The following CCT7 variants were observed in gnomAD, a reference collection of about 807,000 sequenced individuals.
CCT7 encodes chaperonin containing TCP1 subunit 7, also known as T-complex protein 1 subunit eta.
A neutral mutation model predicts 56.6 loss-of-function variants in CCT7; 16 were observed. The observed-to-expected ratio is 0.28, with a 90% CI of 0.19 to 0.43. The LOEUF (loss-of-function observed/expected upper bound fraction) is 0.43. CCT7 is among the 20% of genes least tolerant of loss of function. The pLI is 1.00. For synonymous variants in CCT7, 262 were observed against 254.8 expected, an observed-to-expected ratio of 1.03 and a Z score of -0.27; for missense variants, 519 against 685.6, an observed-to-expected ratio of 0.76 and a Z score of 2.71.
chr2:73,252,323 T>TTATATATATATATATATATATA (rs1687625965), intron 11 of CCT7, among the ~76,000 whole-genome samples: 1 of 108,496 alleles, frequency 9.2e-6, no homozygotes, highest in Non-Finnish European at 1.8e-5. Context: ...ACTCATTGTT[T>TTATATATATATATATATATATA]GATATATATA....
intron 11 of CCT7, 46 bp from the exon 12 acceptor site, chr2:73,252,594 T>C (rs754497326): frequency 6.8e-7 from 1 of 1,469,486 alleles, no homozygotes; most frequent in South Asian, 1.1e-5. Context: ...AAGAGGAAAG[T>C]TGAAAGTAGT....
intron 1 of CCT7, among the ~76,000 whole-genome samples, chr2:73,235,857 C>G (rs1426529111): frequency 6.6e-6 from 1 of 152,200 alleles, no homozygotes; most frequent in Non-Finnish European, 1.5e-5. Context: ...CACATTCACA[C>G]AGCTAGGGAT....
rs1206125248 is a variant in CCT7 at position 73,250,343 on chromosome 2, T to G, written c.1108T>G (p.Cys370Gly). Reference protein sequence around the residue: ...FFTGCPKAKTCTFILRGGAEQ... With the variant: ...FFTGCPKAKTGTFILRGGAEQ... ...TACTGGCTGCCCCAAGGCCAAGACA[T>G]GCACCTTCATTCTCCGTGGCGGCGC... The change falls in exon 10 of 12, where the codon TGC (cysteine) becomes GGC (glycine). Residue 370 changes from cysteine to glycine, a missense_variant. Around this residue, in one of 3 missense-constraint regions of CCT7, gnomAD observed 237 missense variants for 300.8 expected, o/e 0.79. Coordinates refer to ENST00000258091, the MANE Select transcript of CCT7 (RefSeq NM_006429.4). The G allele has an allele frequency of 6.2e-7, 1 of 1,614,114 alleles. No individual in the cohort carries two copies. The highest frequency in any genetic ancestry group is 1.1e-5 in the South Asian group (1 of 91,082).
At chr2:73,235,596 A>G (rs1686844419) in intron 1 of CCT7, 2 of 1,000,008 alleles carry the variant, frequency 2.0e-6, no homozygotes, top group Non-Finnish European at 1.2e-6. Flanking sequence ...CAGAGGCAGC[A>G]TAGTACAGCA....
intron 6 of CCT7, among the ~76,000 whole-genome samples, 200 bp downstream of exon 6, chr2:73,244,915 C>G (rs902301434): frequency 1.3e-5 from 2 of 152,130 alleles, no homozygotes; most frequent in Admixed American, 6.5e-5. Flanking sequence ...TATTATTTGT[C>G]AGCAGAGTAG....
chr2:73,249,204 T>C (rs529279236), intron 8 of CCT7, 25 bp downstream of exon 8: 1 of 1,575,518 alleles, frequency 6.3e-7, no homozygotes. Context: ...ACAGGCTGCT[T>C]CTCGGCCTTT....
chr2:73,250,280 T>G, intron 9 of CCT7, 26 bp from the exon 10 acceptor site: 2 of 1,613,858 alleles, frequency 1.2e-6, no homozygotes, highest in Non-Finnish European at 1.7e-6. Context: ...AGAGTTCATG[T>G]GTGTACTGTT....
intron 9 of CCT7, 107 bp from the exon 10 acceptor site, chr2:73,250,199 G>A: frequency 7.2e-7 from 1 of 1,383,232 alleles, no homozygotes; most frequent in Non-Finnish European, 1.0e-6. Flanking sequence ...CCTGAGTGAA[G>A]AATGTAAGAG....
intron 1 of CCT7, 162 bp from the exon 2 acceptor site, chr2:73,239,481 G>A (rs1387740846): frequency 1.3e-5 from 8 of 632,896 alleles, no homozygotes; most frequent in Non-Finnish European, 1.9e-5. Flanking sequence ...TGGAGGTAGA[G>A]GCTGGTTGGG....
chr2:73,249,716 G>T, intron 8 of CCT7, 103 bp from the exon 9 acceptor site: 1 of 782,736 alleles, frequency 1.3e-6, no homozygotes, highest in Non-Finnish European at 2.3e-6. Flanking sequence ...GTAATGTAGA[G>T]GCTCTGGGGG....
chr2:73,236,661 A>T (rs1430067389), intron 1 of CCT7, among the ~76,000 whole-genome samples: 1 of 152,194 alleles, frequency 6.6e-6, no homozygotes, highest in Non-Finnish European at 1.5e-5. Context: ...TATTAGAGGA[A>T]TAAAAAAAAG....
At position 73,244,719 on chromosome 2, in the gene CCT7, A is replaced by T; in HGVS notation, c.618+4A>T. The T allele has an allele frequency of 6.2e-7, 1 of 1,606,894 alleles. No individual in the cohort carries two copies. ...GGTACAGGGTGGAGCCCTCGAGGTAAGCCTGCTGTGGCCTTCCTAGACAGC... is the reference window on the plus strand; with the variant it reads ...GGTACAGGGTGGAGCCCTCGAGGTATGCCTGCTGTGGCCTTCCTAGACAGC... On this transcript the variant is annotated splice_donor_region_variant and intron_variant, in intron 6 of 11. Coordinates refer to ENST00000258091, the MANE Select transcript of CCT7 (RefSeq NM_006429.4).
intron 6 of CCT7, among the ~76,000 whole-genome samples, chr2:73,245,336 T>C (rs572273391): frequency 4.6e-5 from 7 of 152,218 alleles, no homozygotes; most frequent in Admixed American, 2.0e-4. Context: ...TAGAAATTGA[T>C]CCACATTAGC....
intron 8 of CCT7, 108 bp from the exon 9 acceptor site, chr2:73,249,711 G>C: frequency 1.3e-6 from 1 of 760,934 alleles, no homozygotes. Context: ...GGCGGGTAAT[G>C]TAGAGGCTCT....
chr2:73,236,597 C>T (rs1160722653), intron 1 of CCT7, among the ~76,000 whole-genome samples: 3 of 152,188 alleles, frequency 2.0e-5, no homozygotes, highest in African/African-American at 7.2e-5. Flanking sequence ...CCTTGGACTC[C>T]CAAAGTGCTG....
chr2:73,246,215 C>T (rs1687330104), intron 6 of CCT7, among the ~76,000 whole-genome samples: 1 of 152,220 alleles, frequency 6.6e-6, no homozygotes, highest in Non-Finnish European at 1.5e-5. Context: ...TTAGTACTCA[C>T]CTCTCCTCTG....
intron 1 of CCT7, among the ~76,000 whole-genome samples, chr2:73,234,800 C>G (rs562054227): frequency 6.6e-6 from 1 of 152,346 alleles, no homozygotes; most frequent in African/African-American, 2.4e-5. Flanking sequence ...ACGTGTGCTT[C>G]TTGGAACCGG....
rs758384865 is a variant in CCT7 at position 73,234,347 on chromosome 2, G to T, written c.-32G>T. 1.2e-6 allele frequency: 2 copies of T among 1,613,658 alleles called. No homozygotes were observed. Among genetic ancestry groups the T allele is most frequent in the Non-Finnish European group, 1.7e-6 (2 of 1,179,878 alleles). Reference sequence around the variant, plus strand: ...GGCGGCCCGGTCTCGGAGAAGAGGGGAGAGTGGCGGGCCGCTGAATAAGCT... The same window carrying T: ...GGCGGCCCGGTCTCGGAGAAGAGGGTAGAGTGGCGGGCCGCTGAATAAGCT... On this transcript the variant is annotated 5_prime_UTR_variant, in exon 1 of 12. Transcript: ENST00000258091.
chr2:73,244,459 G>A, intron 5 of CCT7, 85 bp from the exon 6 acceptor site: 1 of 1,209,940 alleles, frequency 8.3e-7, no homozygotes, highest in Non-Finnish European at 1.2e-6. Flanking sequence ...GAGACTGGAA[G>A]GGAACTACCT....
Sources: gnomAD v4.1 joint callset for allele counts (sites outside exome capture counted in the v4.1 genomes callset) on GRCh38, gnomAD v4.1.1 for gene constraint, gnomAD v4.1.1 regional missense constraint, MANE v1.5 for transcripts, NCBI Gene and HGNC (gene_info 2026-07-23, HGNC 2026-07-21) for gene names.